SVEP1: variants seen among roughly 807,000 people sequenced by gnomAD.
SVEP1 encodes the protein sushi, von Willebrand factor type A, EGF and pentraxin domain-containing protein 1.
SVEP1 carries 164 observed loss-of-function variants against 367.3 expected under a neutral mutation model. The observed-to-expected ratio is 0.45, with a 90% confidence interval of 0.39 to 0.51. The LOEUF (loss-of-function observed/expected upper bound fraction) is 0.51. SVEP1 is among the 20% of genes least tolerant of loss of function. The probability of loss-of-function intolerance (pLI) is 0.00; values close to 1 mark genes in which losing one functional copy is unlikely to be tolerated. For synonymous variants in SVEP1, 1,666 were observed against 1,611.6 expected, an observed-to-expected ratio of 1.03 and a Z score of -0.81; for missense variants, 4,117 against 4,425.3, an observed-to-expected ratio of 0.93 and a Z score of 1.98.
At chr9:110,477,736 G>A (rs527681071) in intron 13 of SVEP1, among the ~76,000 whole-genome samples, 1 of 152,094 alleles carries the variant, frequency 6.6e-6, no homozygotes, top group Non-Finnish European at 1.5e-5. Context: ...CAATGTATCA[G>A]CAAGTCCTAC....
chr9:110,548,138 C>T (rs1830242794), intron 2 of SVEP1, among the ~76,000 whole-genome samples: 1 of 152,162 alleles, frequency 6.6e-6, no homozygotes, highest in Non-Finnish European at 1.5e-5. Context: ...CTTAACATAT[C>T]ACTTTCCTTG....
chr9:110,393,429 C>T (rs1362596410), intron 40 of SVEP1, among the ~76,000 whole-genome samples: 3 of 152,194 alleles, frequency 2.0e-5, no homozygotes, highest in Non-Finnish European at 4.4e-5. Flanking sequence ...CTCCAGTCTA[C>T]AGCTCCCAGC....
intron 3 of SVEP1, among the ~76,000 whole-genome samples, chr9:110,535,372 C>G (rs777627728): frequency 6.6e-6 from 1 of 152,084 alleles, no homozygotes; most frequent in Non-Finnish European, 1.5e-5. Context: ...TTCCATTGGT[C>G]TATGTGTCTG....
At chr9:110,367,344 T>G (rs1333205671) in intron 47 of SVEP1, among the ~76,000 whole-genome samples, 3 of 152,042 alleles carry the variant, frequency 2.0e-5, no homozygotes, top group African/African-American at 7.2e-5. Context: ...GGGTATTTTT[T>G]GTAGAGATGG....
intron 2 of SVEP1, among the ~76,000 whole-genome samples, chr9:110,548,966 A>T (rs1238822453): frequency 8.5e-5 from 13 of 152,050 alleles, no homozygotes; most frequent in East Asian, 1.9e-4. Flanking sequence ...TTATTTATTT[A>T]TTTTTTTTAA....
chr9:110,578,230 A>G (rs994378191), intron 1 of SVEP1, among the ~76,000 whole-genome samples: 5 of 152,236 alleles, frequency 3.3e-5, no homozygotes, highest in Admixed American at 2.0e-4. Flanking sequence ...AATGTAGAAC[A>G]TTTTAATTAG....
intron 36 of SVEP1, among the ~76,000 whole-genome samples, chr9:110,424,661 AT>A (rs975868045): frequency 1.3e-5 from 2 of 152,026 alleles, no homozygotes; most frequent in African/African-American, 4.8e-5. Flanking sequence ...AGAGAATTTT[AT>A]TTTTTGGCAT....
intron 18 of SVEP1, among the ~76,000 whole-genome samples, chr9:110,464,631 C>A (rs995829544): frequency 9.8e-4 from 149 of 152,140 alleles, no homozygotes; most frequent in African/African-American, 3.4e-3. Context: ...CTCTGTGTAG[C>A]CTGAGAGAAG....
chr9:110,564,952 C>A (rs1830472160), intron 1 of SVEP1, among the ~76,000 whole-genome samples: 1 of 151,986 alleles, frequency 6.6e-6, no homozygotes, highest in East Asian at 1.9e-4. Flanking sequence ...CTTCCTCTTA[C>A]AATAGGGGCA....
chr9:110,539,090 T>C (rs1830112594), intron 3 of SVEP1, among the ~76,000 whole-genome samples: 1 of 152,088 alleles, frequency 6.6e-6, no homozygotes, highest in South Asian at 2.1e-4. Context: ...CACTTAAAAT[T>C]CTGGTATTAA....
In SVEP1 at chr9:110,579,386, C is replaced by T; in HGVS notation, c.158G>A (p.Gly53Asp). 6.4e-7 allele frequency: 1 copy of T among 1,567,066 alleles called. No homozygotes were observed. The change falls in exon 1 of 48, where the codon GGC becomes GAC. Residue 53 changes from glycine to aspartate, a missense_variant. By Grantham distance (94) the Gly-to-Asp change is moderately conservative (BLOSUM62 -1). Coordinates refer to ENST00000374469, the MANE Select transcript of SVEP1 (RefSeq NM_153366.4). This position sits in a 1 kb window ranked among gnomAD's most constrained non-coding sequence, Gnocchi z 5.3. Reference sequence around the variant, plus strand: ...CACTCTGCTCCCCGCCGCTTCGTCGCCAGGAGCGGGCGGCGCGGGGATACT... The same window carrying T: ...CACTCTGCTCCCCGCCGCTTCGTCGTCAGGAGCGGGCGGCGCGGGGATACT... ...PGSIPAPPAP[G>D]DEAAGSRVER...
chr9:110,434,732 G>A (rs575387601), intron 29 of SVEP1, among the ~76,000 whole-genome samples: 20 of 129,250 alleles, frequency 1.5e-4, no homozygotes, highest in South Asian at 1.1e-3. Flanking sequence ...TTTTAGGAAT[G>A]TCAATGAAAT....
intron 1 of SVEP1, among the ~76,000 whole-genome samples, chr9:110,559,946 T>A (rs1311900554): frequency 1.3e-5 from 2 of 152,124 alleles, no homozygotes; most frequent in Non-Finnish European, 2.9e-5. Flanking sequence ...TATATGTACA[T>A]GACATTAGTG....
At chr9:110,538,283 C>T (rs376568487) in intron 3 of SVEP1, among the ~76,000 whole-genome samples, 36 of 152,052 alleles carry the variant, frequency 2.4e-4, no homozygotes, top group Middle Eastern at 3.4e-3. Flanking sequence ...AACATGCTAG[C>T]GATATTCCTT....
intron 18 of SVEP1, among the ~76,000 whole-genome samples, chr9:110,463,047 C>T (rs796557863): frequency 2.0e-5 from 3 of 152,046 alleles, no homozygotes; most frequent in African/African-American, 7.2e-5. Flanking sequence ...TTTTGTACAC[C>T]TTAATTATAG....
chr9:110,519,233 G>A (rs766353995), intron 3 of SVEP1, among the ~76,000 whole-genome samples: 1 of 152,210 alleles, frequency 6.6e-6, no homozygotes, highest in Non-Finnish European at 1.5e-5. Flanking sequence ...TGCCTGGCAT[G>A]TTGTTGGCAT....
chr9:110,512,791 A>G (rs1033784909), intron 5 of SVEP1, 135 bp downstream of exon 5: 5 of 1,054,784 alleles, frequency 4.7e-6, no homozygotes, highest in Admixed American at 2.1e-5. Context: ...CAAATTTCCT[A>G]TAATTTTTCT....
In SVEP1 at chr9:110,406,338, A is replaced by T; in HGVS notation, c.9262T>A (p.Tyr3088Asn). 1 of 1,614,088 alleles carries T rather than the reference A, an allele frequency of 6.2e-7. No individual in the cohort carries two copies. The highest frequency in any genetic ancestry group is 8.5e-7 in the Non-Finnish European group (1 of 1,179,906). ...TSSWKENVIT[Y>N]SCRSGYVIQG... ...ATGACATATCCAGACCTGCAGCTGTAAGTTATCACATTTTCCTTCCAAGAG... is the reference window on the plus strand; with the variant it reads ...ATGACATATCCAGACCTGCAGCTGTTAGTTATCACATTTTCCTTCCAAGAG... Residue 3088 changes from tyrosine to asparagine, a missense_variant, in exon 38 of 48, where the codon TAC becomes AAC. Physicochemically the swap from Tyr to Asn is moderately radical, Grantham distance 143. Coordinates refer to ENST00000374469, the MANE Select transcript of SVEP1 (RefSeq NM_153366.4).
At position 110,550,626 on chromosome 9, in the gene SVEP1, T is replaced by C. The variant is rs116490111; in HGVS notation, c.532-522A>G. Among the ~76,000 whole-genome samples the C allele has an allele frequency of 4.8e-3, 736 of 152,298 alleles. 6 individuals carry two copies. The highest frequency in any genetic ancestry group is 0.016 in the African/African-American group (684 of 41,562). The stretch of plus-strand genomic sequence containing the variant: ...TGTCTTTTCCAGAGTCAATAATGGC[T>C]GACCTGCTTCCTATATTTGTTTTTC... On this transcript the variant is annotated intron_variant, in intron 1 of 47. Transcript: ENST00000374469.
Sources: allele counts gnomAD v4.1 joint callset (sites outside exome capture counted in the v4.1 genomes callset), GRCh38; gene constraint gnomAD v4.1.1; non-coding constraint Gnocchi (gnomAD v3.1); transcripts MANE v1.5; gene names NCBI Gene and HGNC (gene_info 2026-07-23, HGNC 2026-07-21).